Variants in CORO1A observed in about 807,000 individuals in gnomAD.
CORO1A encodes the protein coronin 1A, also known as coronin-1A.
Under a neutral mutation model 44.1 loss-of-function variants are expected in CORO1A, and 17 were observed. That is an observed-to-expected ratio of 0.39 (90% CI 0.26 to 0.58). The LOEUF (loss-of-function observed/expected upper bound fraction) is 0.58. CORO1A is among the 20% of genes least tolerant of loss of function. The pLI is 0.62. For missense variants in CORO1A, 415 were observed against 606.5 expected, an observed-to-expected ratio of 0.68 and a Z score of 3.32; for synonymous variants, 271 against 244.2, an observed-to-expected ratio of 1.11 and a Z score of -1.02.
rs547948270 is a variant in CORO1A at position 30,186,426 on chromosome 16, T to C, written c.199-172T>C. On this transcript the variant is annotated intron_variant, in intron 2 of 10. Coordinates refer to ENST00000219150, the MANE Select transcript of CORO1A (RefSeq NM_007074.4). Reference sequence around the variant, plus strand: ...GCCCTCCTGGGGTTTGCCCAGGCCATTTTGGGACTGGAACAAGAGAAGAAC... The same window carrying C: ...GCCCTCCTGGGGTTTGCCCAGGCCACTTTGGGACTGGAACAAGAGAAGAAC... The C allele has an allele frequency of 5.4e-6, 4 of 738,518 alleles. No individual in the cohort carries two copies. In the Admixed American group the frequency reaches 8.5e-5, roughly 16 times the overall value. 45.7% of individuals were successfully genotyped at this position (738,518 alleles called of 1,614,324 possible). A position where few individuals can be genotyped will look rare whatever the true frequency, so the allele number is the denominator to read the frequency against.
chr16:30,187,043 T>C lies in CORO1A; in HGVS notation c.456T>C (p.Cys152=). The C allele has an allele frequency of 6.2e-7, 1 of 1,614,016 alleles. No homozygotes were observed. The highest frequency in any genetic ancestry group is 8.5e-7 in the Non-Finnish European group (1 of 1,179,988). The change falls in exon 5 of 11, where the codon TGT becomes TGC. Residue 152 remains cysteine, a synonymous_variant. Coordinates refer to ENST00000219150, the MANE Select transcript of CORO1A (RefSeq NM_007074.4). ...GACACTGTGGGGAACGTGCAGGTTG[T>C]GACAACGTGATCATGGTGTGGGACG... ...TAQNVLLSAG[C]DNVIMVWDVG... is the part of the protein sequence containing the mutation.
chr16:30,185,296 C>T lies in CORO1A; in HGVS notation c.87C>T (p.Arg29=), dbSNP rs772565520. The T allele has an allele frequency of 2.7e-5, 44 of 1,614,114 alleles. 1 individual carries two copies. Among genetic ancestry groups the T allele is most frequent in the Middle Eastern group, 3.3e-4 (2 of 6,084 alleles). Residue 29 remains arginine (R), a synonymous_variant, in exon 2 of 11, where the codon CGC becomes CGT. Coordinates refer to ENST00000219150, the MANE Select transcript of CORO1A (RefSeq NM_007074.4). ...AKADQCYEDV[R]VSQTTWDSGF... is the part of the protein sequence containing the mutation. ...CCGACCAGTGCTATGAAGATGTGCG[C>T]GTCTCACAGACCACCTGGGACAGTG...
Position 30,188,493 on chromosome 16 carries a change from A to G in CORO1A, c.1198A>G (p.Lys400Glu). 6.2e-7 allele frequency: 1 copy of G among 1,613,082 alleles called. No individual in the cohort carries two copies. Among genetic ancestry groups the G allele is most frequent in the Non-Finnish European group, 8.5e-7 (1 of 1,179,926 alleles). ...ISLKDGYVPP[K>E]SRELRVNRGL... The stretch of plus-strand genomic sequence containing the variant: ...CCTCAAGGATGGCTACGTACCCCCA[A>G]AGAGCCGGGAGCTGAGGGTCAACCG... The change falls in exon 10 of 11, where the codon AAG becomes GAG. Residue 400 changes from lysine to glutamate, a missense_variant. This residue lies in a region of CORO1A where 90 missense variants were observed against 84.7 expected (regional missense o/e 1.06). Transcript: ENST00000219150.
chr16:30,185,538 A>G (rs2073324208), intron 2 of CORO1A, 131 bp downstream of exon 2: 1 of 764,196 alleles, frequency 1.3e-6, no homozygotes, highest in East Asian at 2.7e-5. Context: ...GCTGGGCCCC[A>G]TGAGCCTTAC....
In CORO1A at chr16:30,188,526, G is replaced by C; in HGVS notation, c.1231G>C (p.Asp411His). The change falls in exon 10 of 11, where the codon GAC becomes CAC. Residue 411 changes from aspartate (D) to histidine (H), a missense_variant. Asp to His is a moderately conservative substitution (Grantham distance 81). Around this residue, in one of 2 missense-constraint regions of CORO1A, gnomAD observed 90 missense variants for 84.7 expected, o/e 1.06. Coordinates refer to ENST00000219150, the MANE Select transcript of CORO1A (RefSeq NM_007074.4). The part of the protein sequence containing the change: ...SRELRVNRGL[D>H]TGRRRAAPEA... ...GGAGCTGAGGGTCAACCGGGGCCTG[G>C]ACACCGGGCGCAGGAGGGCAGCACC... The C allele has an allele frequency of 1.9e-6, 3 of 1,581,630 alleles. No individual in the cohort carries two copies. The highest frequency in any genetic ancestry group is 1.7e-6 in the Non-Finnish European group (2 of 1,162,322).
Position 30,187,095 on chromosome 16 carries a change from C to T in CORO1A, c.508C>T (p.Leu170=). Reference sequence around the variant, plus strand: ...GGGCACTGGGGCGGCCATGCTGACACTGGGCCCAGAGGTGCACCCAGACAC... The same window carrying T: ...GGGCACTGGGGCGGCCATGCTGACATTGGGCCCAGAGGTGCACCCAGACAC... ...DVGTGAAMLT[L]GPEVHPDTIY... The change falls in exon 5 of 11, where the codon CTG becomes TTG. Residue 170 remains leucine, a synonymous_variant. Coordinates refer to ENST00000219150, the MANE Select transcript of CORO1A (RefSeq NM_007074.4). The T allele has an allele frequency of 6.2e-7, 1 of 1,614,110 alleles. No individual in the cohort carries two copies. Among genetic ancestry groups the T allele is most frequent in the Non-Finnish European group, 8.5e-7 (1 of 1,180,006 alleles).
rs768451328 is a variant in CORO1A at position 30,188,519 on chromosome 16, G to A, written c.1224G>A (p.Arg408=). ...AGAGCCGGGAGCTGAGGGTCAACCG[G>A]GGCCTGGACACCGGGCGCAGGAGGG... ...PPKSRELRVN[R]GLDTGRRRAA... Residue 408 remains arginine (R), a synonymous_variant, in exon 10 of 11, where the codon CGG becomes CGA. Coordinates refer to ENST00000219150, the MANE Select transcript of CORO1A (RefSeq NM_007074.4). 9.3e-6 allele frequency: 15 copies of A among 1,612,886 alleles called. No individual in the cohort carries two copies. Among genetic ancestry groups the A allele is most frequent in the Middle Eastern group, 1.7e-4 (1 of 5,988 alleles).
At position 30,183,633 on chromosome 16, in the gene CORO1A, G is replaced by T. The variant is rs186185074; in HGVS notation, c.-94G>T. 0.011 allele frequency: 1,677 copies of T among 154,346 alleles called. 130 individuals carry two copies. Among genetic ancestry groups the T allele is most frequent in the Admixed American group, 0.1 (1,561 of 15,314 alleles). 9.6% of individuals were successfully genotyped at this position (154,346 alleles called of 1,614,324 possible). A position where few individuals can be genotyped will look rare whatever the true frequency, so the allele number is the denominator to read the frequency against. On this transcript the variant is annotated 5_prime_UTR_variant, in exon 1 of 11. Coordinates refer to ENST00000219150, the MANE Select transcript of CORO1A (RefSeq NM_007074.4). The surrounding 1 kb of genome is among the most constrained non-coding windows in gnomAD (Gnocchi z 5.0). ...TGTCTTGACAAGAGCATCTTCAGCG[G>T]GCGAGTCCCCGGCTCCTCCAGCTCC...
intron 5 of CORO1A, 68 bp from the exon 6 acceptor site, chr16:30,187,314 C>T (rs1234294988): frequency 1.2e-6 from 2 of 1,605,564 alleles, no homozygotes; most frequent in Non-Finnish European, 1.7e-6. Flanking sequence ...CCCTCCCTCG[C>T]CTCCACCTGG....
Position 30,187,143 on chromosome 16 carries a change from C to A in CORO1A, c.556C>A (p.Arg186=). The A allele has an allele frequency of 6.2e-7, 1 of 1,614,052 alleles. No homozygotes were observed. The highest frequency in any genetic ancestry group is 1.7e-5 in the Admixed American group (1 of 60,022). The change falls in exon 5 of 11, where the codon CGA becomes AGA. Residue 186 remains arginine, a synonymous_variant. Coordinates refer to ENST00000219150, the MANE Select transcript of CORO1A (RefSeq NM_007074.4). The part of the protein sequence containing the change: ...PDTIYSVDWS[R]DGGLICTSCR... Reference sequence around the variant, plus strand: ...CACGATCTACAGTGTGGACTGGAGCCGAGATGGAGGCCTCATTTGTACCTC... The same window carrying A: ...CACGATCTACAGTGTGGACTGGAGCAGAGATGGAGGCCTCATTTGTACCTC...
rs1047926980 is a variant in CORO1A, at chr16:30,185,127, G to C, written c.-1-82G>C. The C allele has an allele frequency of 8.7e-5, 120 of 1,376,960 alleles. 2 individuals are homozygous for C. The Admixed American group carries it at 2.1e-3, about 24-fold the overall frequency. The allele number at this position is 1,376,960 out of a possible 1,614,324, so 85.3% of individuals were successfully genotyped here. A position where few individuals can be genotyped will look rare whatever the true frequency, so the allele number is the denominator to read the frequency against. The stretch of plus-strand genomic sequence containing the variant: ...CTGGGACCTTAAAAGCCAGACTGAG[G>C]GGTGTCCTGGGGGAGGTGGGGACCA... On this transcript the variant is annotated intron_variant, in intron 1 of 10. Coordinates refer to ENST00000219150, the MANE Select transcript of CORO1A (RefSeq NM_007074.4).
chr16:30,186,190 C>A (rs2073331290), intron 2 of CORO1A: 1 of 313,476 alleles, frequency 3.2e-6, no homozygotes, highest in Admixed American at 4.5e-5. Flanking sequence ...TGCAGCCCCA[C>A]CACTCACACT....
In CORO1A at chr16:30,187,496, G is replaced by T; in HGVS notation, c.751G>T (p.Asp251Tyr). 1 of 1,603,930 alleles carries T rather than the reference G, an allele frequency of 6.2e-7. No individual in the cohort carries two copies. Residue 251 changes from aspartate to tyrosine, a missense_variant, in exon 6 of 11, where the codon GAC becomes TAC. Transcript: ENST00000219150. ...RMSERQVALWDTKHLEEPLSL... is the reference protein window; with the variant it reads ...RMSERQVALWYTKHLEEPLSL... Reference sequence around the variant, plus strand: ...GAGTGAGCGGCAGGTGGCGCTGTGGGACACAGTGAGTGCTGGGGCAGGAAG... The same window carrying T: ...GAGTGAGCGGCAGGTGGCGCTGTGGTACACAGTGAGTGCTGGGGCAGGAAG...
intron 9 of CORO1A, 38 bp downstream of exon 9, chr16:30,188,287 G>A (rs2073368716): frequency 2.5e-6 from 4 of 1,612,954 alleles, no homozygotes; most frequent in Non-Finnish European, 2.5e-6. Context: ...TCCAGGCTGG[G>A]CACTGACTTT....
Position 30,184,192 on chromosome 16 carries a change from C to G in CORO1A, c.-2+467C>G, listed in dbSNP as rs969561153. 4 of 152,334 alleles carry G rather than the reference C, an allele frequency of 2.6e-5. No individual in the cohort carries two copies. The highest frequency in any genetic ancestry group is 5.9e-5 in the Non-Finnish European group (4 of 68,224). 9.4% of individuals were successfully genotyped at this position (152,334 alleles called of 1,614,324 possible). ...CAGGGTGGGGCGATGGCTTCCTGTC[C>G]CCCACCTCTGGTCCGGGGCTCCCCT... On this transcript the variant is annotated intron_variant, in intron 1 of 10. Transcript: ENST00000219150. The surrounding 1 kb of genome is among the most constrained non-coding windows in gnomAD (Gnocchi z 4.3).
At chr16:30,188,751 C>G (rs2073381577) in intron 10 of CORO1A, 109 bp from the exon 11 acceptor site, 1 of 573,634 alleles carries the variant, frequency 1.7e-6, no homozygotes, top group Non-Finnish European at 3.0e-6. Context: ...CAGCAACCAG[C>G]TGAGCGACTA....
rs2073346546 is a variant in CORO1A at position 30,187,095 on chromosome 16, C to CTGGGCCCAGAGG, written c.511_522dup (p.Gly171_Val174dup). On this transcript the variant is annotated inframe_insertion, in exon 5 of 11. Coordinates refer to ENST00000219150, the MANE Select transcript of CORO1A (RefSeq NM_007074.4). Reference sequence around the variant, plus strand: ...GGGCACTGGGGCGGCCATGCTGACACTGGGCCCAGAGGTGCACCCAGACAC... The same window carrying CTGGGCCCAGAGG: ...GGGCACTGGGGCGGCCATGCTGACACTGGGCCCAGAGGTGGGCCCAGAGGTGCACCCAGACAC... 1 of 1,614,110 alleles carries CTGGGCCCAGAGG rather than the reference C, an allele frequency of 6.2e-7. No homozygotes were observed. The highest frequency in any genetic ancestry group is 8.5e-7 in the Non-Finnish European group (1 of 1,180,006).
Position 30,186,738 on chromosome 16 carries a change from C to T in CORO1A, c.321+18C>T. ...CAGTCATGGTGAGTGGTGGTGGGGACCCAGGGGCTGGGAGAGGGGCTCTAG... is the reference window on the plus strand; with the variant it reads ...CAGTCATGGTGAGTGGTGGTGGGGATCCAGGGGCTGGGAGAGGGGCTCTAG... On this transcript the variant is annotated intron_variant, in intron 3 of 10. Transcript: ENST00000219150. 1 of 1,610,886 alleles carries T rather than the reference C, an allele frequency of 6.2e-7. No individual in the cohort carries two copies. Among genetic ancestry groups the T allele is most frequent in the Non-Finnish European group, 8.5e-7 (1 of 1,179,818 alleles).
intron 2 of CORO1A, 197 bp downstream of exon 2, chr16:30,185,604 C>T (rs1052061662): frequency 3.3e-6 from 2 of 608,558 alleles, no homozygotes; most frequent in African/African-American, 3.7e-5. Context: ...TCAGAAGGAG[C>T]CAACACAAGA....
Sources: gnomAD v4.1 joint callset for allele counts on GRCh38, gnomAD v4.1.1 for gene constraint, gnomAD v4.1.1 regional missense constraint, Gnocchi (gnomAD v3.1) non-coding constraint, MANE v1.5 for transcripts, NCBI Gene and HGNC (gene_info 2026-07-23, HGNC 2026-07-21) for gene names.